KCNAB1: variants seen among roughly 807,000 people sequenced by gnomAD.
KCNAB1 encodes the protein potassium voltage-gated channel subfamily A regulatory beta subunit 1.
KCNAB1 carries 35 observed loss-of-function variants against 64.6 expected under a neutral mutation model. That is an observed-to-expected ratio of 0.54 (90% confidence interval 0.41 to 0.72). The LOEUF (loss-of-function observed/expected upper bound fraction) is 0.72, where lower values mean the gene tolerates loss of function less well. Among genes scored for constraint, KCNAB1 ranks in the 30% least tolerant of loss-of-function variants. KCNAB1 has a pLI of 0.00. For synonymous variants in KCNAB1, 177 were observed against 183.8 expected, an observed-to-expected ratio of 0.96 and a Z score of 0.30; for missense variants, 401 against 512.9, an observed-to-expected ratio of 0.78 and a Z score of 2.11.
chr3:156,379,223 G>A (rs553066201), intron 1 of KCNAB1, among the ~76,000 whole-genome samples: 20 of 152,288 alleles, frequency 1.3e-4, no homozygotes, highest in African/African-American at 4.8e-4. Flanking sequence ...ATATATACTG[G>A]GGCCCTATTA....
intron 1 of KCNAB1, among the ~76,000 whole-genome samples, chr3:156,154,428 A>T (rs1715599063): frequency 6.6e-6 from 1 of 152,054 alleles, no homozygotes; most frequent in South Asian, 2.1e-4. Context: ...TCATTGTAGC[A>T]GCCAGTTGTC....
intron 8 of KCNAB1, among the ~76,000 whole-genome samples, chr3:156,511,265 G>A (rs951494358): frequency 4.6e-5 from 7 of 151,838 alleles, no homozygotes; most frequent in African/African-American, 1.5e-4. Context: ...CACCACGCCC[G>A]GCTAATTTTC....
In KCNAB1 at chr3:156,241,321, A is replaced by G. The variant is rs909621018; in HGVS notation, c.275+120435A>G. On this transcript the variant is annotated intron_variant, in intron 1 of 13. Coordinates refer to ENST00000490337, the MANE Select transcript of KCNAB1 (RefSeq NM_172160.3). ...TACCTCCTAATAGTTTCTCAACACA[A>G]TGTTTTATAAAGTTAATCATATCAG... Among the ~76,000 whole-genome samples the G allele has an allele frequency of 2.6e-5, 4 of 152,176 alleles. No homozygotes were observed. In the East Asian group the frequency reaches 7.7e-4, roughly 29 times the overall value.
chr3:156,207,161 A>G (rs988754043), intron 1 of KCNAB1, among the ~76,000 whole-genome samples: 31 of 152,180 alleles, frequency 2.0e-4, no homozygotes, highest in African/African-American at 7.0e-4. Flanking sequence ...CTACATCAAT[A>G]AGAGGCCTTA....
At chr3:156,142,030 T>C (rs1714733354) in intron 1 of KCNAB1, among the ~76,000 whole-genome samples, 1 of 152,242 alleles carries the variant, frequency 6.6e-6, no homozygotes. Context: ...GATGCTCTTA[T>C]GTGCCATCTG....
At chr3:156,318,586 T>C (rs1199586423) in intron 1 of KCNAB1, among the ~76,000 whole-genome samples, 1 of 152,240 alleles carries the variant, frequency 6.6e-6, no homozygotes, top group African/African-American at 2.4e-5. Flanking sequence ...AGTGTGACCC[T>C]GGTGCCTATA....
At chr3:156,490,854 C>T (rs1715578561) in intron 8 of KCNAB1, among the ~76,000 whole-genome samples, 1 of 151,850 alleles carries the variant, frequency 6.6e-6, no homozygotes, top group South Asian at 2.1e-4. Flanking sequence ...CACTCAGTAC[C>T]CAATACAGTG....
In KCNAB1 at chr3:156,233,271, TA is replaced by T. The variant is rs1716642714; in HGVS notation, c.275+112389del. On this transcript the variant is annotated intron_variant, in intron 1 of 13. Transcript: ENST00000490337. ...TGGTAAGTGCCAAGAAGAAGAAAAATAAAACCAGAATGGAGGATATGGGAGA... is the reference window on the plus strand; with the variant it reads ...TGGTAAGTGCCAAGAAGAAGAAAAATAAACCAGAATGGAGGATATGGGAGA... Among the ~76,000 whole-genome samples the T allele has an allele frequency of 1.3e-5, 2 of 151,894 alleles. 1 individual carries two copies. The highest frequency in any genetic ancestry group is 4.2e-4 in the South Asian group (2 of 4,808).
intron 1 of KCNAB1, among the ~76,000 whole-genome samples, chr3:156,312,094 A>G (rs1399251646): frequency 6.6e-6 from 1 of 152,222 alleles, no homozygotes; most frequent in Non-Finnish European, 1.5e-5. Context: ...ATTAGTAACT[A>G]TGGGAACATG....
At chr3:156,415,949 C>A (rs530652206) in intron 1 of KCNAB1, among the ~76,000 whole-genome samples, 1 of 152,152 alleles carries the variant, frequency 6.6e-6, no homozygotes, top group Non-Finnish European at 1.5e-5. Context: ...CCCCCAATGT[C>A]CCCAATGAAC....
chr3:156,369,885 A>T (rs1726187836), intron 1 of KCNAB1, among the ~76,000 whole-genome samples: 1 of 152,202 alleles, frequency 6.6e-6, no homozygotes, highest in African/African-American at 2.4e-5. Context: ...CTGTCACATC[A>T]TGGAGATTAG....
intron 2 of KCNAB1, among the ~76,000 whole-genome samples, chr3:156,427,750 T>C (rs920756636): frequency 7.2e-5 from 11 of 152,124 alleles, no homozygotes; most frequent in African/African-American, 2.4e-4. Flanking sequence ...TAAAAGAGCG[T>C]TGGAGACCGG....
intron 1 of KCNAB1, among the ~76,000 whole-genome samples, chr3:156,305,259 C>A (rs746506852): frequency 2.0e-5 from 3 of 152,160 alleles, no homozygotes; most frequent in Non-Finnish European, 2.9e-5. Flanking sequence ...CATATGATAT[C>A]TTTGCAATAG....
chr3:156,280,370 G>A (rs1719629815), intron 1 of KCNAB1, among the ~76,000 whole-genome samples: 1 of 151,606 alleles, frequency 6.6e-6, no homozygotes, highest in African/African-American at 2.4e-5. Flanking sequence ...GGTTACTGTA[G>A]CGTTGTAGTA....
At chr3:156,119,898 C>T (rs777007614), upstream of KCNAB1, among the ~76,000 whole-genome samples, 1 of 152,098 alleles carries the variant, frequency 6.6e-6, no homozygotes, top group African/African-American at 2.4e-5. Context: ...TTTTTTCACA[C>T]CAGTTTTGGC....
intron 1 of KCNAB1, among the ~76,000 whole-genome samples, chr3:156,162,195 A>G (rs13059614): frequency 0.091 from 13,822 of 152,260 alleles, 897 homozygotes; most frequent in Non-Finnish European, 0.13. Flanking sequence ...ATGGCTTTCT[A>G]AACATTGCCT....
At chr3:156,422,263 T>G (rs1290295293) in intron 2 of KCNAB1, among the ~76,000 whole-genome samples, 2 of 152,216 alleles carry the variant, frequency 1.3e-5, no homozygotes, top group Non-Finnish European at 2.9e-5. Context: ...AATCTGACTG[T>G]GAGACTTGGG....
chr3:156,226,684 A>C (rs1267691438), intron 1 of KCNAB1, among the ~76,000 whole-genome samples: 4 of 148,056 alleles, frequency 2.7e-5, no homozygotes, highest in African/African-American at 1.0e-4. Flanking sequence ...CCTGTTCCCC[A>C]AAAACCTATT....
At chr3:156,269,862 G>C (rs1433259545) in intron 1 of KCNAB1, among the ~76,000 whole-genome samples, 1 of 148,326 alleles carries the variant, frequency 6.7e-6, no homozygotes, top group African/African-American at 2.5e-5. Context: ...GTCTATGTAT[G>C]TCTTTATATA....
Sources: gnomAD v4.1 joint callset for allele counts (sites outside exome capture counted in the v4.1 genomes callset) on GRCh38, gnomAD v4.1.1 for gene constraint, MANE v1.5 for transcripts, NCBI Gene and HGNC (gene_info 2026-07-23, HGNC 2026-07-21) for gene names.